Variants in BANP observed in about 807,000 individuals in gnomAD.
BANP encodes the protein BTG3 associated nuclear protein.
In BANP, 11 loss-of-function variants were observed where a neutral mutation model predicts 68.1. The ratio of observed to expected loss-of-function variants is 0.16; its 90% CI spans 0.10 to 0.27. The LOEUF (loss-of-function observed/expected upper bound fraction) is 0.27. BANP is among the 10% of genes least tolerant of loss of function. The pLI is 1.00. For missense variants in BANP, 504 were observed against 722.7 expected (o/e 0.70, Z 3.47); for synonymous variants, 329 against 303.2 (o/e 1.09, Z -0.88).
At chr16:88,026,964 AGGGCCAGGTGGTTATCCAG>A (rs2077119648) in intron 7 of BANP, among the ~76,000 whole-genome samples, 1 of 152,186 alleles carries the variant, frequency 6.6e-6, no homozygotes, top group South Asian at 2.1e-4. Flanking sequence ...GGAGGGCGGG[AGGGCCAGGTGGTTATCCAG>A]GGGGATGGTG....
intron 12 of BANP, among the ~76,000 whole-genome samples, chr16:88,070,334 A>C (rs573802050): frequency 3.4e-4 from 52 of 152,208 alleles, no homozygotes; most frequent in Non-Finnish European, 6.9e-4. Flanking sequence ...TCGGGCTGGC[A>C]TCTGACACCT....
rs546178258 is a variant in BANP, at chr16:87,967,334, C to G, written c.-68-7714C>G. Among the ~76,000 whole-genome samples, 8 of 145,222 alleles carry G rather than the reference C, an allele frequency of 5.5e-5. No homozygotes were observed. In the South Asian group the frequency reaches 1.3e-3, roughly 24 times the overall value. On this transcript the variant is annotated intron_variant, in intron 1 of 13. Coordinates refer to ENST00000682872, the MANE Select transcript of BANP (RefSeq NM_001386991.1). ...CTGTTAGCCAGGCCGCTCTCCAACT[C>G]TGACCTCAGGTGATCCACCCACCTT...
At chr16:87,958,202 C>G (rs1207417333) in intron 1 of BANP, among the ~76,000 whole-genome samples, 2 of 152,168 alleles carry the variant, frequency 1.3e-5, no homozygotes, top group Non-Finnish European at 2.9e-5. Context: ...TTCTTGAACT[C>G]TGAGTCCCTA....
chr16:88,023,400 A>C (rs11117349), intron 7 of BANP, among the ~76,000 whole-genome samples: 1 of 152,168 alleles, frequency 6.6e-6, no homozygotes, highest in East Asian at 1.9e-4. Context: ...TTTGAGGTGC[A>C]TGGGGCGTGA....
intron 1 of BANP, among the ~76,000 whole-genome samples, chr16:87,965,065 C>A (rs1011093445): frequency 6.6e-6 from 1 of 152,132 alleles, no homozygotes; most frequent in African/African-American, 2.4e-5. Context: ...ACTGATGAGC[C>A]GCTGGGTCAG....
At chr16:87,991,053 C>T (rs1289834576) in intron 4 of BANP, among the ~76,000 whole-genome samples, 3 of 152,218 alleles carry the variant, frequency 2.0e-5, no homozygotes, top group Non-Finnish European at 2.9e-5. Flanking sequence ...TGCACCACTG[C>T]GCCCAGCCAG....
rs59673375 is a variant in BANP, at chr16:88,071,372, G to T, written c.1378-697G>T. The T allele has an allele frequency of 8.1e-3, 3,331 of 410,292 alleles. 118 individuals carry two copies. Among genetic ancestry groups the T allele is most frequent in the African/African-American group, 0.063 (3,086 of 48,724 alleles). 25.4% of individuals were successfully genotyped at this position (410,292 alleles called of 1,614,324 possible). On this transcript the variant is annotated intron_variant, in intron 12 of 13. Transcript: ENST00000682872. This position sits in a 1 kb window ranked among gnomAD's most constrained non-coding sequence, Gnocchi z 6.5. ...GCGCCCAGTGGATTGAGTGGGAAGTGGGCCTGGGTGCTTACAGGCGATGGG... is the reference window on the plus strand; with the variant it reads ...GCGCCCAGTGGATTGAGTGGGAAGTTGGCCTGGGTGCTTACAGGCGATGGG...
chr16:87,970,664 T>G (rs949396403), intron 1 of BANP, among the ~76,000 whole-genome samples: 5 of 152,216 alleles, frequency 3.3e-5, no homozygotes, highest in African/African-American at 1.2e-4. Context: ...GATAGTCTGC[T>G]TTTCTTGTTC....
chr16:88,010,851 ATGCTGTGCCGATT>A (rs1181703905), intron 6 of BANP, among the ~76,000 whole-genome samples: 8 of 151,142 alleles, frequency 5.3e-5, no homozygotes, highest in Admixed American at 1.3e-4. Flanking sequence ...TAGCCACGCT[ATGCTGTGCCGATT>A]CACACACCTC....
At chr16:88,034,168 C>T (rs546564681) in intron 9 of BANP, among the ~76,000 whole-genome samples, 4 of 152,144 alleles carry the variant, frequency 2.6e-5, no homozygotes, top group Non-Finnish European at 4.4e-5. Flanking sequence ...TTAGAGGGGG[C>T]GTTACCCTTC....
chr16:88,050,041 T>C (rs2082893458), intron 11 of BANP, among the ~76,000 whole-genome samples: 1 of 152,238 alleles, frequency 6.6e-6, no homozygotes, highest in African/African-American at 2.4e-5. Flanking sequence ...GCTGGTGAGC[T>C]TCTCAGTCAC....
intron 13 of BANP, among the ~76,000 whole-genome samples, chr16:88,074,969 C>T (rs973405190): frequency 1.6e-4 from 24 of 152,050 alleles, no homozygotes; most frequent in East Asian, 1.9e-4. Context: ...TTTGTGAGGC[C>T]GAGGCAGGGG....
At chr16:88,035,222 T>C (rs2079051231) in intron 9 of BANP, 101 bp from the exon 10 acceptor site, 1 of 1,106,286 alleles carries the variant, frequency 9.0e-7, no homozygotes, top group African/African-American at 1.6e-5. Flanking sequence ...TCTTTTTGAA[T>C]TGTAAACAGA....
intron 11 of BANP, among the ~76,000 whole-genome samples, chr16:88,058,086 AATTC>A (rs2085615373): frequency 6.6e-6 from 1 of 151,992 alleles, no homozygotes; most frequent in Admixed American, 6.5e-5. Flanking sequence ...GTGGCTGTTA[AATTC>A]ATTGTGTATT....
intron 1 of BANP, among the ~76,000 whole-genome samples, chr16:87,973,551 G>A (rs373228609): frequency 1.8e-4 from 28 of 152,010 alleles, no homozygotes; most frequent in South Asian, 8.3e-4. Flanking sequence ...ACCTGAGGTC[G>A]GGAGTTCAAG....
chr16:88,052,187 G>A (rs7404883), intron 11 of BANP, among the ~76,000 whole-genome samples: 120,327 of 152,192 alleles, frequency 0.79, 48,059 homozygotes, highest in African/African-American at 0.86. Flanking sequence ...AGAAAGATAC[G>A]TAAGAGGTCA....
chr16:87,969,784 A>G, intron 1 of BANP, among the ~76,000 whole-genome samples: 1 of 151,898 alleles, frequency 6.6e-6, no homozygotes, highest in African/African-American at 2.4e-5. Context: ...CACCCACCTT[A>G]GCCTCCCAAA....
intron 4 of BANP, among the ~76,000 whole-genome samples, chr16:87,996,256 C>G (rs930296518): frequency 3.3e-5 from 5 of 152,208 alleles, no homozygotes; most frequent in Admixed American, 6.5e-5. Context: ...CCGCCTGAGA[C>G]CGGGACCCAC....
chr16:87,991,047 C>T (rs747521676), intron 4 of BANP, among the ~76,000 whole-genome samples: 1 of 152,238 alleles, frequency 6.6e-6, no homozygotes, highest in Non-Finnish European at 1.5e-5. Flanking sequence ...CAGGCGTGCA[C>T]CACTGCGCCC....
Sources: gnomAD v4.1 joint callset for allele counts (sites outside exome capture counted in the v4.1 genomes callset) on GRCh38, gnomAD v4.1.1 for gene constraint, Gnocchi (gnomAD v3.1) non-coding constraint, MANE v1.5 for transcripts, NCBI Gene and HGNC (gene_info 2026-07-23, HGNC 2026-07-21) for gene names.